OXR1: variants seen among roughly 807,000 people sequenced by gnomAD.
OXR1 encodes the protein oxidation resistance protein 1.
In OXR1, 41 loss-of-function variants were observed where a neutral mutation model predicts 104.6. That is an observed-to-expected ratio of 0.39 (90% CI 0.31 to 0.51). OXR1 has a LOEUF of 0.51. Among genes scored for constraint, OXR1 ranks in the 20% least tolerant of loss-of-function variants. The pLI is 0.77. For missense variants in OXR1, 955 were observed against 1,031.9 expected (o/e 0.93, Z 1.02); for synonymous variants, 348 against 348.4 (o/e 1.00, Z 0.01).
chr8:106,746,458 G>T (rs1028528124), intron 16 of OXR1, among the ~76,000 whole-genome samples: 14 of 152,118 alleles, frequency 9.2e-5, no homozygotes, highest in Admixed American at 9.2e-4. Flanking sequence ...GTCCCACCTA[G>T]CCTGGGCTTA....
chr8:106,328,966 G>C (rs1814593268), intron 1 of OXR1, among the ~76,000 whole-genome samples: 1 of 152,106 alleles, frequency 6.6e-6, no homozygotes, highest in Non-Finnish European at 1.5e-5. Context: ...CCTGCTTTGA[G>C]GGGGTCAGGA....
chr8:106,419,109 C>T (rs927134735), intron 2 of OXR1, among the ~76,000 whole-genome samples: 12 of 152,120 alleles, frequency 7.9e-5, no homozygotes, highest in African/African-American at 2.7e-4. Context: ...TCTATTTACA[C>T]ACATTTGCAT....
chr8:106,513,486 C>T (rs193026618), intron 2 of OXR1, among the ~76,000 whole-genome samples: 14 of 152,136 alleles, frequency 9.2e-5, no homozygotes, highest in Admixed American at 2.6e-4. Flanking sequence ...TGGGGATTGT[C>T]GTGAAAGAAA....
intron 1 of OXR1, among the ~76,000 whole-genome samples, chr8:106,333,034 A>T (rs1346571666): frequency 6.6e-6 from 1 of 152,104 alleles, no homozygotes; most frequent in Non-Finnish European, 1.5e-5. Context: ...TATTTTGTTT[A>T]TCCATTTATC....
intron 1 of OXR1, among the ~76,000 whole-genome samples, chr8:106,288,587 CACACCAT>C (rs1812603284): frequency 6.8e-5 from 9 of 131,662 alleles, no homozygotes; most frequent in Non-Finnish European, 7.8e-5. Context: ...TATGTATATA[CACACCAT>C]ATATATACTC....
At chr8:106,367,063 C>T (rs1420248903) in intron 2 of OXR1, among the ~76,000 whole-genome samples, 2 of 84,136 alleles carry the variant, frequency 2.4e-5, no homozygotes, top group African/African-American at 9.7e-5. Flanking sequence ...TTTATGTTTC[C>T]CTTTTTTTTT....
At chr8:106,371,384 G>A (rs938197038) in intron 2 of OXR1, among the ~76,000 whole-genome samples, 1 of 150,610 alleles carries the variant, frequency 6.6e-6, no homozygotes, top group African/African-American at 2.4e-5. Flanking sequence ...GGGTTTTTTT[G>A]TGTCTCTATC....
At chr8:106,656,036 CAT>C (rs557566122) in intron 3 of OXR1, 1 of 152,104 alleles carries the variant, frequency 6.6e-6, no homozygotes, top group South Asian at 2.1e-4. Context: ...AGATGTAAAA[CAT>C]ATCTTAGAAA....
At chr8:106,745,714 T>C (rs1228232628) in intron 15 of OXR1, 75 bp from the exon 16 acceptor site, 3 of 689,066 alleles carry the variant, frequency 4.4e-6, no homozygotes, top group Admixed American at 5.4e-5. Flanking sequence ...GTTAACTCGT[T>C]TGAGTTTTGG....
intron 1 of OXR1, among the ~76,000 whole-genome samples, chr8:106,281,799 C>CAAAAA (rs59515650): frequency 3.2e-5 from 2 of 62,922 alleles, no homozygotes; most frequent in African/African-American, 5.0e-5. Context: ...GACTCTATCT[C>CAAAAA]AAAAAAAAAA....
intron 3 of OXR1, among the ~76,000 whole-genome samples, chr8:106,586,676 T>A (rs1355455250): frequency 2.0e-5 from 3 of 152,154 alleles, no homozygotes; most frequent in African/African-American, 7.2e-5. Context: ...GCCTAGTATT[T>A]CCAGTGTTGG....
chr8:106,460,744 G>A (rs1019710543), intron 2 of OXR1, among the ~76,000 whole-genome samples: 7 of 152,228 alleles, frequency 4.6e-5, no homozygotes, highest in East Asian at 3.9e-4. Flanking sequence ...AGGCAAAATC[G>A]TTCCCTGTAC....
chr8:106,447,550 A>G (rs1277503915), intron 2 of OXR1, among the ~76,000 whole-genome samples: 1 of 152,198 alleles, frequency 6.6e-6, no homozygotes, highest in Non-Finnish European at 1.5e-5. Flanking sequence ...TAACGAAGTC[A>G]TGCATTTAAA....
intron 2 of OXR1, among the ~76,000 whole-genome samples, chr8:106,419,332 T>A (rs1201524721): frequency 6.6e-6 from 1 of 152,146 alleles, no homozygotes; most frequent in East Asian, 1.9e-4. Flanking sequence ...TCTATTTACT[T>A]ACAAATAAAG....
At chr8:106,490,031 A>G (rs1480319327) in intron 2 of OXR1, among the ~76,000 whole-genome samples, 1 of 152,114 alleles carries the variant, frequency 6.6e-6, no homozygotes, top group African/African-American at 2.4e-5. Flanking sequence ...CCATAGCCCC[A>G]TTTTCATTAA....
intron 1 of OXR1, among the ~76,000 whole-genome samples, chr8:106,296,936 A>G (rs1813023802): frequency 6.6e-6 from 1 of 152,162 alleles, no homozygotes; most frequent in South Asian, 2.1e-4. Flanking sequence ...CTTTTCCTTG[A>G]AAAAGTTAGT....
chr8:106,745,526 A>G (rs910008814), intron 15 of OXR1, among the ~76,000 whole-genome samples: 1 of 152,156 alleles, frequency 6.6e-6, no homozygotes, highest in Non-Finnish European at 1.5e-5. Context: ...CTGTAGAGTC[A>G]GGAGAAAGAA....
At chr8:106,691,052 A>G (rs1829224275) in intron 6 of OXR1, among the ~76,000 whole-genome samples, 1 of 152,036 alleles carries the variant, frequency 6.6e-6, no homozygotes, top group Non-Finnish European at 1.5e-5. Context: ...TAACATACAA[A>G]TCATATTGTA....
intron 1 of OXR1, among the ~76,000 whole-genome samples, chr8:106,347,724 T>C (rs959104036): frequency 3.3e-5 from 5 of 152,234 alleles, no homozygotes; most frequent in Admixed American, 3.3e-4. Context: ...TGATTAATTA[T>C]ATTTTATGTG....
Sources: gnomAD v4.1 joint callset for allele counts (sites outside exome capture counted in the v4.1 genomes callset) on GRCh38, gnomAD v4.1.1 for gene constraint, MANE v1.5 for transcripts, NCBI Gene and HGNC (gene_info 2026-07-23, HGNC 2026-07-21) for gene names.